Variants in ERN1 observed in about 807,000 individuals in gnomAD.
ERN1 encodes endoplasmic reticulum to nucleus signaling 1.
A neutral mutation model predicts 113.1 loss-of-function variants in ERN1; 39 were observed. The observed-to-expected ratio is 0.34, with a 90% CI of 0.27 to 0.45. The LOEUF is 0.45. Among genes scored for constraint, ERN1 ranks in the 20% least tolerant of loss-of-function variants. The pLI is 1.00. For missense variants in ERN1, 976 were observed against 1,274.8 expected (o/e 0.77, Z 3.57); for synonymous variants, 507 against 515.9 (o/e 0.98, Z 0.23).
intron 2 of ERN1, among the ~76,000 whole-genome samples, chr17:64,087,070 TG>T (rs1913956608): frequency 6.6e-6 from 1 of 152,188 alleles, no homozygotes; most frequent in South Asian, 2.1e-4. Flanking sequence ...GAGATTCCTA[TG>T]GAATTTTTAG....
In ERN1 at chr17:64,054,676, C is replaced by T. The variant is rs775088656; in HGVS notation, c.1763+62G>A. 1.0e-5 allele frequency: 14 copies of T among 1,365,466 alleles called. No individual in the cohort carries two copies. The highest frequency in any genetic ancestry group is 2.4e-4 in the Middle Eastern group (1 of 4,142). 84.6% of individuals were successfully genotyped at this position (1,365,466 alleles called of 1,614,324 possible). A position where few individuals can be genotyped will look rare whatever the true frequency, so the allele number is the denominator to read the frequency against. On this transcript the variant is annotated intron_variant, in intron 14 of 21. Coordinates refer to ENST00000433197, the MANE Select transcript of ERN1 (RefSeq NM_001433.5). The surrounding 1 kb of genome is among the most constrained non-coding windows in gnomAD (Gnocchi z 4.9). The stretch of plus-strand genomic sequence containing the variant: ...TGTGCTCTGAGCCTGGCACCAGGCT[C>T]GCAACCTGACAGGCACTTAGACACC...
At chr17:64,079,614 C>T (rs756156966) in intron 4 of ERN1, 48 bp downstream of exon 4, 72 of 1,469,752 alleles carry the variant, frequency 4.9e-5, no homozygotes, top group Admixed American at 4.7e-4. Flanking sequence ...ACTTAAGGAC[C>T]GCTGGTCTAG....
At chr17:64,062,611 T>G (rs1913088732) in intron 10 of ERN1, among the ~76,000 whole-genome samples, 1 of 152,232 alleles carries the variant, frequency 6.6e-6, no homozygotes, top group Non-Finnish European at 1.5e-5. Context: ...GAAGACTCCC[T>G]GCCCCCATAT....
intron 8 of ERN1, among the ~76,000 whole-genome samples, chr17:64,066,408 T>C (rs1319389457): frequency 6.6e-6 from 1 of 152,128 alleles, no homozygotes; most frequent in East Asian, 1.9e-4. Context: ...CTCAAGTAGC[T>C]GGAATTACAG....
At chr17:64,057,767 T>C (rs1598050285) in intron 12 of ERN1, 35 bp downstream of exon 12, 1 of 1,597,092 alleles carries the variant, frequency 6.3e-7, no homozygotes, top group Non-Finnish European at 8.6e-7. Flanking sequence ...GCCCCAGAAA[T>C]AGGTGGATGG....
At chr17:64,080,542 T>G in intron 3 of ERN1, 1 of 480,790 alleles carries the variant, frequency 2.1e-6, no homozygotes. Context: ...AAGCTCAACT[T>G]GAGTTTCATC....
Position 64,057,842 on chromosome 17 carries a change from AG to A in ERN1, c.1357del (p.Leu453CysfsTer2). On this transcript the variant is annotated frameshift_variant, in exon 12 of 22. Coordinates refer to ENST00000433197, the MANE Select transcript of ERN1 (RefSeq NM_001433.5). LOFTEE classifies it high-confidence loss of function. ...DMATIILSTF[L>X]LIGWVAFIIT... Reference sequence around the variant, plus strand: ...GATGAAGGCCACCCAGCCAATCAGCAGGAAGGTGCTCAGGATGATGGTAGCC... The same window carrying A: ...GATGAAGGCCACCCAGCCAATCAGCAGAAGGTGCTCAGGATGATGGTAGCC... 6.2e-7 allele frequency: 1 copy of A among 1,614,012 alleles called. No individual in the cohort carries two copies. The highest frequency in any genetic ancestry group is 8.5e-7 in the Non-Finnish European group (1 of 1,179,894).
Position 64,063,507 on chromosome 17 carries a change from C to T in ERN1, c.1087+479G>A, listed in dbSNP as rs1263347569. On this transcript the variant is annotated intron_variant, in intron 10 of 21. Transcript: ENST00000433197. The surrounding 1 kb of genome is among the most constrained non-coding windows in gnomAD (Gnocchi z 5.1). ...CCCTAGAACCACAACCAGCCCCTGA[C>T]TCTGCTGCTCTCAATCCATCCTGGG... 6.6e-6 allele frequency among the ~76,000 whole-genome samples: 1 copy of T among 152,222 alleles called. No individual in the cohort carries two copies. Among genetic ancestry groups the T allele is most frequent in the Non-Finnish European group, 1.5e-5 (1 of 68,042 alleles).
chr17:64,054,500 T>A lies in ERN1; in HGVS notation c.1764-61A>T. 1 of 1,470,934 alleles carries A rather than the reference T, an allele frequency of 6.8e-7. No individual in the cohort carries two copies. The highest frequency in any genetic ancestry group is 1.4e-5 in the African/African-American group (1 of 71,698). The allele number at this position is 1,470,934 out of a possible 1,614,324, so 91.1% of individuals were successfully genotyped here. On this transcript the variant is annotated intron_variant, in intron 14 of 21. Coordinates refer to ENST00000433197, the MANE Select transcript of ERN1 (RefSeq NM_001433.5). This position sits in a 1 kb window ranked among gnomAD's most constrained non-coding sequence, Gnocchi z 4.9. ...CACGAGTCAGGCTGTGTAAATGAGG[T>A]GAGAACCTGGGTCCACAGCATTCAC...
intron 1 of ERN1, among the ~76,000 whole-genome samples, chr17:64,100,576 G>C (rs1050831245): frequency 2.6e-5 from 4 of 152,120 alleles, no homozygotes; most frequent in Non-Finnish European, 5.9e-5. Context: ...TTCGAGACCA[G>C]CCTGGCCAAC....
At position 64,049,027 on chromosome 17, in the gene ERN1, T is replaced by TCCCAAC. The variant is rs1169410715; in HGVS notation, c.2401+22_2401+27dup. The TCCCAAC allele has an allele frequency of 6.5e-7, 1 of 1,535,054 alleles. No homozygotes were observed. The highest frequency in any genetic ancestry group is 8.8e-7 in the Non-Finnish European group (1 of 1,131,048). On this transcript the variant is annotated intron_variant, in intron 18 of 21. Transcript: ENST00000433197. The surrounding 1 kb of genome is among the most constrained non-coding windows in gnomAD (Gnocchi z 4.7). ...CCACCTGAGGCAGCTGAGGAGCTGC[T>TCCCAAC]CCCAACCCCAACCCCTGGACCGCTC...
intron 4 of ERN1, among the ~76,000 whole-genome samples, chr17:64,077,014 A>G (rs1410916058): frequency 6.6e-6 from 1 of 152,186 alleles, no homozygotes; most frequent in South Asian, 2.1e-4. Context: ...AGAGATTCCA[A>G]TGAGATAACT....
intron 20 of ERN1, 103 bp from the exon 21 acceptor site, chr17:64,045,030 A>T: frequency 2.3e-6 from 2 of 878,478 alleles, no homozygotes; most frequent in Non-Finnish European, 3.6e-6. Context: ...TTGGACTGAA[A>T]GGTGAGGTCA....
intron 2 of ERN1, among the ~76,000 whole-genome samples, chr17:64,085,727 A>C (rs1289500282): frequency 2.6e-5 from 4 of 152,170 alleles, no homozygotes; most frequent in Non-Finnish European, 4.4e-5. Context: ...CAGCCTTCTG[A>C]GCACAGCTGT....
At chr17:64,119,638 C>G (rs139611756) in intron 1 of ERN1, among the ~76,000 whole-genome samples, 1 of 151,438 alleles carries the variant, frequency 6.6e-6, no homozygotes, top group East Asian at 1.9e-4. Flanking sequence ...ATGATCCGCC[C>G]GTCTCAGCCT....
intron 1 of ERN1, among the ~76,000 whole-genome samples, chr17:64,125,519 C>T (rs576393193): frequency 4.9e-4 from 75 of 152,254 alleles, no homozygotes; most frequent in African/African-American, 1.8e-3. Flanking sequence ...GACAGAGTCT[C>T]GCTCTGTTGC....
At chr17:64,100,231 T>C (rs11654583) in intron 1 of ERN1, among the ~76,000 whole-genome samples, 6,570 of 152,204 alleles carry the variant, frequency 0.043, 217 homozygotes, top group Non-Finnish European at 0.066. Context: ...GCTAAGTGAA[T>C]TGGGGCTGTC....
At chr17:64,129,244 AG>A (rs1214478938) in intron 1 of ERN1, 1 of 152,238 alleles carries the variant, frequency 6.6e-6, no homozygotes, top group Non-Finnish European at 1.5e-5. Flanking sequence ...TGATGGCCCC[AG>A]GTGCTCTCCC....
intron 1 of ERN1, among the ~76,000 whole-genome samples, chr17:64,127,410 T>C (rs1181228435): frequency 6.6e-6 from 1 of 152,216 alleles, no homozygotes; most frequent in Non-Finnish European, 1.5e-5. Context: ...TGGTGCCTTC[T>C]TTCACATGTT....
Sources: allele counts gnomAD v4.1 joint callset (sites outside exome capture counted in the v4.1 genomes callset), GRCh38; gene constraint gnomAD v4.1.1; non-coding constraint Gnocchi (gnomAD v3.1); transcripts MANE v1.5; gene names NCBI Gene and HGNC (gene_info 2026-07-23, HGNC 2026-07-21).